CDH13: variants seen among roughly 807,000 people sequenced by gnomAD.
CDH13 encodes cadherin 13, also known as cadherin-13.
Under a neutral mutation model 63.8 loss-of-function variants are expected in CDH13, and 24 were observed. That is an observed-to-expected ratio of 0.38 (90% CI 0.27 to 0.53). The LOEUF (loss-of-function observed/expected upper bound fraction) is 0.53. Among genes scored for constraint, CDH13 ranks in the 20% least tolerant of loss-of-function variants. CDH13 has a pLI of 0.85. For missense variants in CDH13, 1,049 were observed against 903.1 expected (o/e 1.16, Z -2.07); for synonymous variants, 503 against 355.3 (o/e 1.42, Z -4.67).
intron 5 of CDH13, among the ~76,000 whole-genome samples, chr16:83,330,467 G>C (rs1484952263): frequency 1.3e-5 from 2 of 152,278 alleles, no homozygotes; most frequent in East Asian, 3.9e-4. Context: ...CCATCTAGAA[G>C]GGCAAAGAAT....
chr16:82,702,204 G>A (rs989714629), intron 1 of CDH13, among the ~76,000 whole-genome samples: 1 of 152,110 alleles, frequency 6.6e-6, no homozygotes, highest in African/African-American at 2.4e-5. Flanking sequence ...GGCTGTTGCA[G>A]ATGTGTTCAC....
intron 7 of CDH13, among the ~76,000 whole-genome samples, chr16:83,530,660 A>C (rs1489271387): frequency 1.3e-5 from 2 of 152,316 alleles, no homozygotes; most frequent in East Asian, 3.9e-4. Context: ...AACCACACAC[A>C]CAAGGCTGCA....
At position 83,796,079 on chromosome 16, in the gene CDH13, C is replaced by A. The variant is rs1904279422; in HGVS notation, c.*1049C>A. ...GTAAATACAGGTAGTTTTAAAAGTA[C>A]CCTTTTGTGTGAATTGACTACCGTT... On this transcript the variant is annotated 3_prime_UTR_variant, in exon 14 of 14. Coordinates refer to ENST00000567109, the MANE Select transcript of CDH13 (RefSeq NM_001257.5). The A allele has an allele frequency of 6.6e-6, 1 of 152,540 alleles. No homozygotes were observed. The highest frequency in any genetic ancestry group is 1.9e-4 in the East Asian group (1 of 5,202). The allele number at this position is 152,540 out of a possible 1,614,324, so 9.4% of individuals were successfully genotyped here.
intron 2 of CDH13, among the ~76,000 whole-genome samples, chr16:82,885,888 T>A (rs2040870934): frequency 2.6e-5 from 4 of 152,194 alleles, no homozygotes; most frequent in Admixed American, 6.5e-5. Flanking sequence ...CCATATAAGA[T>A]ACTTGACAAA....
chr16:82,700,095 G>C (rs2030799620), intron 1 of CDH13, among the ~76,000 whole-genome samples: 1 of 152,164 alleles, frequency 6.6e-6, no homozygotes, highest in African/African-American at 2.4e-5. Flanking sequence ...TAGTTCATCA[G>C]GATGCTGAGA....
intron 1 of CDH13, among the ~76,000 whole-genome samples, chr16:82,793,519 A>G (rs1038978108): frequency 6.6e-6 from 1 of 152,078 alleles, no homozygotes; most frequent in Admixed American, 6.5e-5. Flanking sequence ...AGTTTCAAAG[A>G]CCGTTCTCCT....
chr16:83,117,389 TC>T (rs1266201089), intron 3 of CDH13, among the ~76,000 whole-genome samples: 1 of 132,974 alleles, frequency 7.5e-6, no homozygotes, highest in Non-Finnish European at 1.6e-5. Flanking sequence ...CCATTCTTCC[TC>T]CATCTTCCAC....
intron 7 of CDH13, among the ~76,000 whole-genome samples, chr16:83,539,588 G>C (rs2075261497): frequency 1.3e-5 from 2 of 152,168 alleles, no homozygotes; most frequent in African/African-American, 2.4e-5. Context: ...TGAGCATGAG[G>C]GCCATTTGTT....
intron 4 of CDH13, 128 bp downstream of exon 4, chr16:83,125,629 G>C (rs941564330): frequency 1.5e-5 from 8 of 546,578 alleles, no homozygotes; most frequent in African/African-American, 5.7e-5. Flanking sequence ...GAGACCAAAT[G>C]GTTTAGTCAT....
In CDH13 at chr16:82,867,665, A is replaced by G. The variant is rs141700657; in HGVS notation, c.157+9192A>G. Among the ~76,000 whole-genome samples the G allele has an allele frequency of 3.3e-5, 5 of 152,336 alleles. No homozygotes were observed. The East Asian group carries it at 5.8e-4, about 18-fold the overall frequency. ...CTTTTGAGGGTGCTTTTAATTGACT[A>G]TAAATCAAGCAAGGAACTTGAAAAA... is the stretch of plus-strand genomic sequence containing the variant. On this transcript the variant is annotated intron_variant, in intron 2 of 13. Transcript: ENST00000567109.
At position 83,719,407 on chromosome 16, in the gene CDH13, G is replaced by A. The variant is rs556748702; in HGVS notation, c.1539-28701G>A. 2.6e-4 allele frequency among the ~76,000 whole-genome samples: 39 copies of A among 152,182 alleles called. No individual in the cohort carries two copies. The South Asian group carries it at 5.8e-3, about 23-fold the overall frequency. On this transcript the variant is annotated intron_variant, in intron 10 of 13. Coordinates refer to ENST00000567109, the MANE Select transcript of CDH13 (RefSeq NM_001257.5). ...GCACTAGGAGAGGGCGACATGGGGA[G>A]GTTACGCCACACTCCACGTCACTCA...
At chr16:83,529,091 C>CTTTTTTTTTTT (rs10562201) in intron 7 of CDH13, among the ~76,000 whole-genome samples, 1 of 140,492 alleles carries the variant, frequency 7.1e-6, no homozygotes. Flanking sequence ...ATACCTCTGT[C>CTTTTTTTTTTT]TTTTTTTTTT....
chr16:83,683,219 T>C (rs538393706), intron 10 of CDH13, among the ~76,000 whole-genome samples: 2 of 152,360 alleles, frequency 1.3e-5, no homozygotes, highest in African/African-American at 2.4e-5. Flanking sequence ...CATTGTGTTG[T>C]TAGTCAAATC....
At chr16:83,267,448 T>C (rs1302179317) in intron 5 of CDH13, among the ~76,000 whole-genome samples, 1 of 152,166 alleles carries the variant, frequency 6.6e-6, no homozygotes, top group Non-Finnish European at 1.5e-5. Flanking sequence ...CCTTTCTGTG[T>C]GTGCGATGAT....
chr16:83,204,909 T>C (rs1013808451), intron 4 of CDH13, among the ~76,000 whole-genome samples: 3 of 152,346 alleles, frequency 2.0e-5, no homozygotes, highest in Non-Finnish European at 4.4e-5. Flanking sequence ...TTCCTAATGC[T>C]TTCGCCCACA....
intron 7 of CDH13, among the ~76,000 whole-genome samples, chr16:83,571,200 C>T (rs1370354691): frequency 6.6e-6 from 1 of 151,930 alleles, no homozygotes; most frequent in African/African-American, 2.4e-5. Flanking sequence ...CAATTTGCTC[C>T]ATATGGATTT....
At chr16:82,830,206 C>A (rs901242356) in intron 1 of CDH13, among the ~76,000 whole-genome samples, 13 of 152,270 alleles carry the variant, frequency 8.5e-5, no homozygotes, top group Admixed American at 8.5e-4. Context: ...CTATCTTGCC[C>A]CTTTTCTGAT....
At chr16:82,837,429 T>G (rs1404372757) in intron 1 of CDH13, among the ~76,000 whole-genome samples, 1 of 122,152 alleles carries the variant, frequency 8.2e-6, no homozygotes, top group African/African-American at 3.1e-5. Flanking sequence ...GGTTCCTTGA[T>G]CCCCAAGTCC....
intron 7 of CDH13, among the ~76,000 whole-genome samples, chr16:83,548,724 G>A (rs1350632828): frequency 3.3e-5 from 5 of 151,952 alleles, no homozygotes; most frequent in Non-Finnish European, 7.4e-5. Flanking sequence ...CCACAAGGCA[G>A]CCTTTTTTTT....
Sources: gnomAD v4.1 joint callset for allele counts (sites outside exome capture counted in the v4.1 genomes callset) on GRCh38, gnomAD v4.1.1 for gene constraint, MANE v1.5 for transcripts, NCBI Gene and HGNC (gene_info 2026-07-23, HGNC 2026-07-21) for gene names.